The following TMPRSS7 variants were observed in gnomAD, a reference collection of about 807,000 sequenced individuals.
TMPRSS7 encodes transmembrane serine protease 7.
TMPRSS7 carries 81 observed loss-of-function variants against 95.6 expected under a neutral mutation model. The ratio of observed to expected loss-of-function variants is 0.85; its 90% CI spans 0.71 to 1.02. The LOEUF is 1.02. Among genes scored for constraint, TMPRSS7 ranks in the 50% least tolerant of loss-of-function variants. TMPRSS7 has a pLI of 0.00. For missense variants in TMPRSS7, 945 were observed against 955.2 expected, an observed-to-expected ratio of 0.99 and a Z score of 0.14; for synonymous variants, 364 against 337.8, an observed-to-expected ratio of 1.08 and a Z score of -0.85.
At chr3:112,074,893 A>G (rs147518764) in intron 14 of TMPRSS7, among the ~76,000 whole-genome samples, 18 of 152,352 alleles carry the variant, frequency 1.2e-4, no homozygotes, top group African/African-American at 4.1e-4. Context: ...TTACACTAGC[A>G]AACAATTGCT....
intron 2 of TMPRSS7, among the ~76,000 whole-genome samples, chr3:112,040,039 C>T (rs1227616288): frequency 1.3e-5 from 2 of 151,974 alleles, no homozygotes; most frequent in Non-Finnish European, 1.5e-5. Flanking sequence ...TGCGGAACCC[C>T]TGCCCCCACC....
At chr3:112,041,999 A>G (rs1368011349) in exon 3 of TMPRSS7, 1 of 1,551,618 alleles carries the variant, frequency 6.4e-7, no homozygotes, top group Non-Finnish European at 8.7e-7. Flanking sequence ...CCGAATACCG[A>G]CAAAAGGAGT....
chr3:112,037,958 T>C lies in TMPRSS7; in HGVS notation c.49-114T>C, dbSNP rs573397536. 28 of 610,664 alleles carry C rather than the reference T, an allele frequency of 4.6e-5. No individual in the cohort carries two copies. In the East Asian group the frequency reaches 7.1e-4, roughly 16 times the overall value. The allele number at this position is 610,664 out of a possible 1,614,324, so 37.8% of individuals were successfully genotyped here. A position where few individuals can be genotyped will look rare whatever the true frequency, so the allele number is the denominator to read the frequency against. On this transcript the variant is annotated intron_variant, in intron 1 of 17. Coordinates refer to ENST00000452346, the Ensembl canonical transcript of TMPRSS7. ...TTTGATATACTTACATAAATATGAA[T>C]GCTTAAATAGTCATATTTAGGCCTT... is the stretch of plus-strand genomic sequence containing the variant.
intron 9 of TMPRSS7, among the ~76,000 whole-genome samples, chr3:112,056,714 C>T (rs1312956886): frequency 6.6e-6 from 1 of 152,188 alleles, no homozygotes; most frequent in African/African-American, 2.4e-5. Flanking sequence ...GGTGTTTACA[C>T]TCATTAACAA....
chr3:112,078,934 C>A lies in TMPRSS7; in HGVS notation c.2361+56C>A, dbSNP rs1466817201. On this transcript the variant is annotated intron_variant, in intron 17 of 17. Coordinates refer to ENST00000452346, the Ensembl canonical transcript of TMPRSS7. ...ATGTTGTGCTTTCCATAAATGCTTT[C>A]TCACTTAATCTACATAACACTGGGA... is the stretch of plus-strand genomic sequence containing the variant. The A allele has an allele frequency of 2.5e-6, 4 of 1,588,530 alleles. No homozygotes were observed. In the African/African-American group the frequency reaches 4.0e-5, roughly 16 times the overall value.
At chr3:112,066,348 G>T (rs570611274) in intron 12 of TMPRSS7, 44 bp from the exon 13 acceptor site, 4 of 1,558,456 alleles carry the variant, frequency 2.6e-6, no homozygotes, top group Admixed American at 1.7e-5. Flanking sequence ...AACCCAGCTG[G>T]TGTCTCAGGC....
At chr3:112,061,798 C>G in exon 11 of TMPRSS7, 1 of 1,608,128 alleles carries the variant, frequency 6.2e-7, no homozygotes. Flanking sequence ...TACTGTGGCT[C>G]CTACATGGAT....
intron 13 of TMPRSS7, among the ~76,000 whole-genome samples, chr3:112,068,037 C>A (rs987650114): frequency 1.3e-5 from 2 of 151,918 alleles, no homozygotes; most frequent in African/African-American, 4.8e-5. Flanking sequence ...CCACTTTCAG[C>A]TTTCTGCATA....
chr3:112,044,409 C>T, intron 4 of TMPRSS7, 87 bp downstream of exon 4: 26 of 1,132,848 alleles, frequency 2.3e-5, no homozygotes, highest in Non-Finnish European at 3.1e-5. Context: ...TTCCACCATT[C>T]CCAAGTAACT....
chr3:112,063,354 T>G (rs777630452), intron 11 of TMPRSS7, among the ~76,000 whole-genome samples, 171 bp from the exon 12 acceptor site: 1 of 152,212 alleles, frequency 6.6e-6, no homozygotes, highest in South Asian at 2.1e-4. Flanking sequence ...TGTGTTCCGC[T>G]TTTTTGTCTT....
intron 13 of TMPRSS7, among the ~76,000 whole-genome samples, chr3:112,066,841 A>G (rs1559961324): frequency 6.6e-6 from 1 of 151,552 alleles, no homozygotes; most frequent in Non-Finnish European, 1.5e-5. Context: ...TTCTTTTTAA[A>G]TTATTATACT....
chr3:112,038,831 CTT>C (rs567128294), intron 2 of TMPRSS7, among the ~76,000 whole-genome samples: 3 of 145,454 alleles, frequency 2.1e-5, no homozygotes. Flanking sequence ...TTTCTCATTT[CTT>C]TTTTTTTTTT....
At chr3:112,059,975 T>C (rs1322668557) in intron 10 of TMPRSS7, among the ~76,000 whole-genome samples, 1 of 152,192 alleles carries the variant, frequency 6.6e-6, no homozygotes, top group Non-Finnish European at 1.5e-5. Flanking sequence ...GGTTCTTTTC[T>C]ATTTTCCCTA....
At chr3:112,038,784 G>A (rs767374590) in intron 2 of TMPRSS7, among the ~76,000 whole-genome samples, 3 of 152,050 alleles carry the variant, frequency 2.0e-5, no homozygotes, top group Non-Finnish European at 4.4e-5. Flanking sequence ...GCCCGGCCTG[G>A]TGTTGATATT....
chr3:112,072,705 C>G lies in TMPRSS7; in HGVS notation c.1667-1591C>G, dbSNP rs55753652. 4.4e-3 allele frequency among the ~76,000 whole-genome samples: 676 copies of G among 152,334 alleles called. 23 individuals carry two copies. In the East Asian group the frequency reaches 0.065, roughly 15 times the overall value. ...GACGCCCCTCCCTCAGCCAGGCTGC[C>G]GCCTGGCAGTTGGATCTCAGACTGC... is the stretch of plus-strand genomic sequence containing the variant. On this transcript the variant is annotated intron_variant, in intron 13 of 17. Transcript: ENST00000452346.
intron 1 of TMPRSS7, among the ~76,000 whole-genome samples, chr3:112,036,839 T>C (rs1419162338): frequency 6.6e-6 from 1 of 152,212 alleles, no homozygotes; most frequent in Non-Finnish European, 1.5e-5. Context: ...ATTTATTGGT[T>C]CCCTAAATTA....
At chr3:112,066,707 A>G (rs1282365420) in intron 13 of TMPRSS7, among the ~76,000 whole-genome samples, 2 of 152,028 alleles carry the variant, frequency 1.3e-5, no homozygotes, top group Admixed American at 1.3e-4. Flanking sequence ...GTCACTCTAA[A>G]TGGAGTGGAA....
rs187571339 is a variant in TMPRSS7 at position 112,070,140 on chromosome 3, G to T, written c.1666+3638G>T. On this transcript the variant is annotated intron_variant, in intron 13 of 17. Transcript: ENST00000452346. ...AGTTTCCATGAAGTTGTGCAGTTTT[G>T]AATGAGTTTTTTAATCCTGAGATTT... Among the ~76,000 whole-genome samples the T allele has an allele frequency of 2.6e-5, 4 of 152,312 alleles. No homozygotes were observed. In the East Asian group the frequency reaches 7.7e-4, roughly 29 times the overall value.
Position 112,059,754 on chromosome 3 carries a change from A to G in TMPRSS7, c.1311-2033A>G, listed in dbSNP as rs1175923863. On this transcript the variant is annotated intron_variant, in intron 10 of 17. Transcript: ENST00000452346. ...AACAGGTTATCAGTTCCTGTACTTC[A>G]GCCAATTGCAAAAGACTCTTCCTGA... 3.3e-5 allele frequency among the ~76,000 whole-genome samples: 5 copies of G among 152,310 alleles called. No homozygotes were observed. In the East Asian group the frequency reaches 9.6e-4, roughly 29 times the overall value.
Sources: allele counts gnomAD v4.1 joint callset (sites outside exome capture counted in the v4.1 genomes callset), GRCh38; gene constraint gnomAD v4.1.1; transcripts MANE v1.5; gene names NCBI Gene and HGNC (gene_info 2026-07-23, HGNC 2026-07-21).